ADAMTSL3: variants seen among roughly 807,000 people sequenced by gnomAD.
ADAMTSL3 encodes ADAMTS-like protein 3.
Under a neutral mutation model 201.7 loss-of-function variants are expected in ADAMTSL3, and 128 were observed. That is an observed-to-expected ratio of 0.63 (90% CI 0.55 to 0.73). ADAMTSL3 has a LOEUF of 0.73. Ranked by LOEUF, ADAMTSL3 falls within the 30% of genes least tolerant of loss-of-function variation. The pLI is 0.00. For missense variants in ADAMTSL3, 1,990 were observed against 2,119.6 expected (o/e 0.94, Z 1.20); for synonymous variants, 738 against 748.4 (o/e 0.99, Z 0.23).
intron 4 of ADAMTSL3, among the ~76,000 whole-genome samples, chr15:83,790,297 C>T (rs1054288418): frequency 6.8e-6 from 1 of 148,056 alleles, no homozygotes; most frequent in African/African-American, 2.5e-5. Flanking sequence ...AACAACAAAC[C>T]AATATATCTC....
chr15:84,000,884 A>C (rs1469691218), intron 23 of ADAMTSL3, among the ~76,000 whole-genome samples: 1 of 152,198 alleles, frequency 6.6e-6, no homozygotes, highest in African/African-American at 2.4e-5. Context: ...TTGGAAGTGT[A>C]AGTGTGGACC....
rs2067419115 is a variant in ADAMTSL3 at position 83,983,130 on chromosome 15, G to C, written c.3502G>C (p.Gly1168Arg). ...CCAAAGCTCGCATGCAAAAAACTCAGGCAAGCTGACATTCAAGCCGAAAGG... is the reference window on the plus strand; with the variant it reads ...CCAAAGCTCGCATGCAAAAAACTCACGCAAGCTGACATTCAAGCCGAAAGG... The part of the protein sequence containing the change: ...VSQSSHAKNS[G>R]KLTFKPKGPV... The change falls in exon 21 of 30, where the codon GGC becomes CGC. Residue 1168 changes from glycine to arginine, a missense_variant. Transcript: ENST00000286744. The C allele has an allele frequency of 2.5e-6, 4 of 1,613,950 alleles. No homozygotes were observed. In the South Asian group the frequency reaches 4.4e-5, roughly 18 times the overall value.
chr15:83,827,545 G>T (rs1360894399), intron 6 of ADAMTSL3, among the ~76,000 whole-genome samples: 1 of 152,150 alleles, frequency 6.6e-6, no homozygotes, highest in African/African-American at 2.4e-5. Context: ...TTTGGCTTTT[G>T]TTGCCATTGC....
chr15:83,734,250 C>A (rs2062334054), intron 3 of ADAMTSL3, among the ~76,000 whole-genome samples: 1 of 151,970 alleles, frequency 6.6e-6, no homozygotes, highest in Admixed American at 6.6e-5. Context: ...TTTAAAAGAT[C>A]CCTCTCTTGA....
chr15:83,791,256 T>A (rs1328804291), intron 4 of ADAMTSL3, among the ~76,000 whole-genome samples: 3 of 152,084 alleles, frequency 2.0e-5, no homozygotes, highest in African/African-American at 7.2e-5. Flanking sequence ...TATGGAACCA[T>A]AAAAGACCTC....
In ADAMTSL3 at chr15:83,982,482, T is replaced by A. The variant is rs764498417; in HGVS notation, c.2854T>A (p.Cys952Ser). ...GATCCAGTGGGAGAAGGATGGCCGT[T>A]GCCTGCAGAACTCCAAACGGCTTGG... Reference protein sequence around the residue: ...SLIQWEKDGRCLQNSKRLGIT... With the variant: ...SLIQWEKDGRSLQNSKRLGIT... Residue 952 changes from cysteine (C) to serine (S), a missense_variant, in exon 21 of 30, where the codon TGC (cysteine) becomes AGC (serine). Coordinates refer to ENST00000286744, the MANE Select transcript of ADAMTSL3 (RefSeq NM_207517.3). 3.7e-6 allele frequency: 6 copies of A among 1,614,094 alleles called. No homozygotes were observed. In the South Asian group the frequency reaches 6.6e-5, roughly 18 times the overall value.
chr15:83,665,911 G>T (rs895626231), intron 2 of ADAMTSL3, among the ~76,000 whole-genome samples: 5 of 152,012 alleles, frequency 3.3e-5, no homozygotes, highest in African/African-American at 7.2e-5. Context: ...ACTAATAAAA[G>T]AATATTTAAA....
intron 17 of ADAMTSL3, among the ~76,000 whole-genome samples, chr15:83,926,083 A>T (rs1444279105): frequency 2.0e-5 from 3 of 152,208 alleles, no homozygotes; most frequent in Non-Finnish European, 4.4e-5. Flanking sequence ...TACTATGAGG[A>T]CCTAAAATAA....
intron 3 of ADAMTSL3, among the ~76,000 whole-genome samples, chr15:83,734,756 A>C (rs1266879999): frequency 2.0e-5 from 3 of 152,158 alleles, no homozygotes; most frequent in African/African-American, 7.2e-5. Flanking sequence ...ACCCCAGAGG[A>C]CATTATGCCC....
chr15:83,810,371 G>C (rs2063673708), intron 5 of ADAMTSL3, among the ~76,000 whole-genome samples: 1 of 152,238 alleles, frequency 6.6e-6, no homozygotes, highest in South Asian at 2.1e-4. Flanking sequence ...AGGCAAGTAT[G>C]TCAGTGCCAA....
In ADAMTSL3 at chr15:83,718,859, A is replaced by G. The variant is rs537561187; in HGVS notation, c.189+14351A>G. Among the ~76,000 whole-genome samples the G allele has an allele frequency of 1.1e-4, 16 of 152,326 alleles. No homozygotes were observed. In the South Asian group the frequency reaches 3.3e-3, roughly 32 times the overall value. ...GAATCAACTCATTACATTGAAAACA[A>G]ATAGAAGGAAAAAACCCAAATATTC... On this transcript the variant is annotated intron_variant, in intron 3 of 29. Transcript: ENST00000286744.
At chr15:83,796,364 T>G (rs769233379) in intron 4 of ADAMTSL3, among the ~76,000 whole-genome samples, 37 of 152,308 alleles carry the variant, frequency 2.4e-4, no homozygotes, top group Non-Finnish European at 4.9e-4. Context: ...CACAAATGAC[T>G]GTGCTCTTAC....
intron 23 of ADAMTSL3, among the ~76,000 whole-genome samples, chr15:84,004,391 A>G (rs535473542): frequency 6.6e-6 from 1 of 152,310 alleles, no homozygotes; most frequent in Non-Finnish European, 1.5e-5. Flanking sequence ...TAGCCAGTAA[A>G]TGGGGCCAAA....
intron 16 of ADAMTSL3, 122 bp from the exon 17 acceptor site, chr15:83,923,782 G>T: frequency 8.5e-7 from 1 of 1,171,682 alleles, no homozygotes; most frequent in South Asian, 1.6e-5. Flanking sequence ...AATGCAGCCT[G>T]CAGCCCTATG....
At chr15:83,816,055 T>C (rs1412908737) in intron 5 of ADAMTSL3, among the ~76,000 whole-genome samples, 7 of 152,234 alleles carry the variant, frequency 4.6e-5, no homozygotes, top group African/African-American at 1.7e-4. Context: ...TAAGAGAATT[T>C]AAGCATAAGC....
chr15:83,988,063 G>T (rs370554482), intron 21 of ADAMTSL3, among the ~76,000 whole-genome samples: 4 of 152,112 alleles, frequency 2.6e-5, no homozygotes, highest in East Asian at 3.8e-4. Context: ...TTCTCAAAGC[G>T]GTATTTACAC....
At chr15:83,776,417 A>T (rs964333457) in intron 4 of ADAMTSL3, among the ~76,000 whole-genome samples, 4 of 152,188 alleles carry the variant, frequency 2.6e-5, no homozygotes, top group Admixed American at 2.6e-4. Context: ...AATTATATAT[A>T]ATTAAAAATT....
At chr15:83,834,956 C>A (rs578156946) in intron 6 of ADAMTSL3, among the ~76,000 whole-genome samples, 3 of 152,146 alleles carry the variant, frequency 2.0e-5, no homozygotes, top group South Asian at 2.1e-4. Context: ...ATTGTTGGGC[C>A]GGGCGCTGTG....
chr15:84,034,206 A>G lies in ADAMTSL3; in HGVS notation c.4755-2567A>G, dbSNP rs182104814. ...TGTTTTAGCCCCCTTTTCCCCACAG[A>G]CCTCTTCTGCTGGATTGGTTTATGA... On this transcript the variant is annotated intron_variant, in intron 28 of 29. Coordinates refer to ENST00000286744, the MANE Select transcript of ADAMTSL3 (RefSeq NM_207517.3). 3.5e-3 allele frequency among the ~76,000 whole-genome samples: 533 copies of G among 151,938 alleles called. 3 individuals are homozygous for G. The highest frequency in any genetic ancestry group is 0.01 in the Middle Eastern group (3 of 294).
Sources: allele counts gnomAD v4.1 joint callset (sites outside exome capture counted in the v4.1 genomes callset), GRCh38; gene constraint gnomAD v4.1.1; transcripts MANE v1.5; gene names NCBI Gene and HGNC (gene_info 2026-07-23, HGNC 2026-07-21).